RTCA: variants seen among roughly 807,000 people sequenced by gnomAD.
RTCA encodes the protein RNA terminal phosphate cyclase domain 1.
In RTCA, 37 loss-of-function variants were observed where a neutral mutation model predicts 46.1. The observed-to-expected ratio is 0.80, with a 90% CI of 0.62 to 1.06. RTCA has a LOEUF of 1.06. Among genes scored for constraint, RTCA ranks in the 50% least tolerant of loss-of-function variants. The pLI is 0.00. For synonymous variants in RTCA, 164 were observed against 158.3 expected, an observed-to-expected ratio of 1.04 and a Z score of -0.27; for missense variants, 435 against 455.5, an observed-to-expected ratio of 0.95 and a Z score of 0.41.
chr1:100,287,331 G>A, intron 10 of RTCA, 128 bp downstream of exon 10: 1 of 568,940 alleles, frequency 1.8e-6, no homozygotes, highest in East Asian at 3.4e-5. Context: ...GACAGGCACT[G>A]AGCTAATTTA....
chr1:100,289,417 C>T (rs1453788999), intron 10 of RTCA, among the ~76,000 whole-genome samples: 52 of 152,110 alleles, frequency 3.4e-4, no homozygotes, highest in Admixed American at 3.4e-3. Flanking sequence ...GCCGTGATTA[C>T]AGCTGTGAGC....
rs1570890393 is a variant in RTCA, at chr1:100,285,233, A to C, written c.805A>C (p.Asn269His). 66 of 1,612,344 alleles carry C rather than the reference A, an allele frequency of 4.1e-5. No individual in the cohort carries two copies. The highest frequency in any genetic ancestry group is 5.4e-5 in the Non-Finnish European group (64 of 1,178,584). ...AATGTTGTGCTTATCTTAAGGTGTA[A>C]ATGCAGACAAAGTTGGAATTGAAGC... The part of the protein sequence containing the change: ...AGSSLGKRGV[N>H]ADKVGIEAAE... Residue 269 changes from asparagine (N) to histidine (H), a missense_variant, in exon 9 of 11, where the codon AAT becomes CAT. Coordinates refer to ENST00000370128, the MANE Select transcript of RTCA (RefSeq NM_003729.4).
intron 8 of RTCA, among the ~76,000 whole-genome samples, chr1:100,277,809 G>C (rs930181923): frequency 4.4e-4 from 66 of 150,916 alleles, no homozygotes; most frequent in African/African-American, 1.5e-3. Context: ...TTTTGGGGGG[G>C]GGCACATAGC....
intron 4 of RTCA, among the ~76,000 whole-genome samples, chr1:100,272,317 G>T (rs934390604): frequency 6.6e-6 from 1 of 152,168 alleles, no homozygotes; most frequent in Non-Finnish European, 1.5e-5. Flanking sequence ...GCACAGTGGT[G>T]TGTGCCTATA....
intron 8 of RTCA, among the ~76,000 whole-genome samples, chr1:100,282,940 G>A (rs1666793968): frequency 6.6e-6 from 1 of 151,994 alleles, no homozygotes; most frequent in South Asian, 2.1e-4. Context: ...CCGAGTAGCT[G>A]GAATTATTAG....
chr1:100,276,772 A>G (rs1666412500), intron 7 of RTCA, among the ~76,000 whole-genome samples: 1 of 152,244 alleles, frequency 6.6e-6, no homozygotes, highest in Non-Finnish European at 1.5e-5. Context: ...TGAAGTATAA[A>G]AGTACCATTT....
intron 10 of RTCA, among the ~76,000 whole-genome samples, chr1:100,289,884 T>A (rs1026391416): frequency 6.6e-6 from 1 of 152,258 alleles, no homozygotes; most frequent in Non-Finnish European, 1.5e-5. Flanking sequence ...AGGCCTGCTA[T>A]GCTCCTTTCA....
In RTCA at chr1:100,268,250, A is replaced by G. The variant is rs1665892494; in HGVS notation, c.245A>G (p.Glu82Gly). 5.6e-6 allele frequency: 9 copies of G among 1,614,146 alleles called. No homozygotes were observed. The highest frequency in any genetic ancestry group is 7.6e-6 in the Non-Finnish European group (9 of 1,180,008). Residue 82 changes from glutamate (E) to glycine (G), a missense_variant, in exon 3 of 11, where the codon GAG (glutamate) becomes GGG (glycine). Glu to Gly is a moderately conservative substitution (Grantham distance 98). Coordinates refer to ENST00000370128, the MANE Select transcript of RTCA (RefSeq NM_003729.4). ...TCAACAGAAATAACCTTTACACCAGAGAAGATCAAAGGTGGAATCCACACA... is the reference window on the plus strand; with the variant it reads ...TCAACAGAAATAACCTTTACACCAGGGAAGATCAAAGGTGGAATCCACACA... Reference protein sequence around the residue: ...IGSTEITFTPEKIKGGIHTAD... With the variant: ...IGSTEITFTPGKIKGGIHTAD...
rs1159781689 is a variant in RTCA at position 100,275,725 on chromosome 1, T to A, written c.740+2T>A. 6.2e-7 allele frequency: 1 copy of A among 1,605,886 alleles called. No homozygotes were observed. Among genetic ancestry groups the A allele is most frequent in the Non-Finnish European group, 8.5e-7 (1 of 1,176,500 alleles). On this transcript the variant is annotated splice_donor_variant, in intron 7 of 10. Coordinates refer to ENST00000370128, the MANE Select transcript of RTCA (RefSeq NM_003729.4). LOFTEE classifies it high-confidence loss of function. ...ATTTGGCAATGGAAATGGAATAATG[T>A]GAGACAATACTTTTTCCTACACATT...
rs1359423859 is a variant in RTCA, at chr1:100,266,242, C to T, written c.-134C>T. On this transcript the variant is annotated 5_prime_UTR_variant, in exon 1 of 11. Transcript: ENST00000370128. ...GTGTCCCGAGAGGCGCCGCTTCTTC[C>T]GCTTTCTCGTCAGGCTCCTGCGCCC... 15 of 1,085,114 alleles carry T rather than the reference C, an allele frequency of 1.4e-5. No homozygotes were observed. Among genetic ancestry groups the T allele is most frequent in the South Asian group, 6.1e-5 (4 of 65,604 alleles). 67.2% of individuals were successfully genotyped at this position (1,085,114 alleles called of 1,614,324 possible).
Position 100,267,368 on chromosome 1 carries a change from C to T in RTCA, c.146+744C>T, listed in dbSNP as rs181055880. 5,000 of 1,020,490 alleles carry T rather than the reference C, an allele frequency of 4.9e-3. 70 individuals are homozygous for T. Among genetic ancestry groups the T allele is most frequent in the South Asian group, 5.9e-3 (177 of 29,750 alleles). 63.2% of individuals were successfully genotyped at this position (1,020,490 alleles called of 1,614,324 possible). ...TGTTAATTGCCTTTGTCATAGTTTG[C>T]AGCCCTCCAGTTCACCAACAGGGGA... On this transcript the variant is annotated intron_variant, in intron 2 of 10. Coordinates refer to ENST00000370128, the MANE Select transcript of RTCA (RefSeq NM_003729.4).
At chr1:100,283,214 A>C (rs1644994200) in intron 8 of RTCA, among the ~76,000 whole-genome samples, 1 of 135,240 alleles carries the variant, frequency 7.4e-6, no homozygotes, top group South Asian at 2.3e-4. Context: ...TGTGTCACCC[A>C]GGCTGGAGTG....
intron 8 of RTCA, among the ~76,000 whole-genome samples, chr1:100,282,334 G>A (rs1472713088): frequency 1.3e-5 from 2 of 152,154 alleles, no homozygotes; most frequent in African/African-American, 4.8e-5. Flanking sequence ...CTGTTTTCTA[G>A]TACTACAAAG....
chr1:100,285,073 C>G (rs1666942149), intron 8 of RTCA, among the ~76,000 whole-genome samples, 155 bp from the exon 9 acceptor site: 1 of 152,168 alleles, frequency 6.6e-6, no homozygotes, highest in Non-Finnish European at 1.5e-5. Context: ...TATTAAATAA[C>G]TAAAGATCTT....
chr1:100,277,178 G>T, intron 7 of RTCA, 80 bp from the exon 8 acceptor site: 1 of 1,319,380 alleles, frequency 7.6e-7, no homozygotes, highest in African/African-American at 1.5e-5. Flanking sequence ...CTATTTAATA[G>T]TCATTGTTCT....
At chr1:100,275,773 A>C in intron 7 of RTCA, 50 bp downstream of exon 7, 1 of 1,455,062 alleles carries the variant, frequency 6.9e-7, no homozygotes. Context: ...TAAAATAGTT[A>C]TCTAATTAAA....
In RTCA at chr1:100,275,867, G is replaced by A. The variant is rs189411828; in HGVS notation, c.740+144G>A. ...TATTTATTTATTGAGGTGGAGTCTCGCTCTGTTGTCCAGGCTGGAGTGCCG... is the reference window on the plus strand; with the variant it reads ...TATTTATTTATTGAGGTGGAGTCTCACTCTGTTGTCCAGGCTGGAGTGCCG... On this transcript the variant is annotated intron_variant, in intron 7 of 10. Transcript: ENST00000370128. 9.0e-4 allele frequency: 638 copies of A among 710,378 alleles called. 3 individuals carry two copies. In the African/African-American group the frequency reaches 0.011, roughly 12 times the overall value. The allele number at this position is 710,378 out of a possible 1,614,324, so 44.0% of individuals were successfully genotyped here.
chr1:100,280,744 G>A (rs930307328), intron 8 of RTCA, among the ~76,000 whole-genome samples: 50 of 152,188 alleles, frequency 3.3e-4, no homozygotes, highest in African/African-American at 1.1e-3. Flanking sequence ...GCGTATGCCT[G>A]TAATCCCAGC....
At position 100,266,397 on chromosome 1, in the gene RTCA, G is replaced by A. The variant is rs924612242; in HGVS notation, c.22G>A (p.Val8Ile). 6.2e-7 allele frequency: 1 copy of A among 1,612,360 alleles called. No individual in the cohort carries two copies. The highest frequency in any genetic ancestry group is 8.5e-7 in the Non-Finnish European group (1 of 1,179,486). The change falls in exon 1 of 11, where the codon GTC becomes ATC. Residue 8 changes from valine to isoleucine, a missense_variant. Physicochemically the swap from Val to Ile is conservative, Grantham distance 29 (BLOSUM62 3). Transcript: ENST00000370128. MAGPRVE[V>I]DGSIMEGGGQ... ...CCCCATGGCGGGGCCGCGGGTGGAG[G>A]TCGATGGCAGCATCATGGAAGGGGT...
Sources: allele counts gnomAD v4.1 joint callset (sites outside exome capture counted in the v4.1 genomes callset), GRCh38; gene constraint gnomAD v4.1.1; transcripts MANE v1.5; gene names NCBI Gene and HGNC (gene_info 2026-07-23, HGNC 2026-07-21).